Variants in TMPRSS11A observed in about 807,000 individuals in gnomAD.
TMPRSS11A encodes the protein transmembrane serine protease 11A.
Under a neutral mutation model 58.9 loss-of-function variants are expected in TMPRSS11A, and 53 were observed. That is an observed-to-expected ratio of 0.90 (90% CI 0.72 to 1.13). TMPRSS11A has a LOEUF of 1.13. TMPRSS11A is among the 50% of genes most tolerant of loss of function. TMPRSS11A has a pLI of 0.00. For synonymous variants in TMPRSS11A, 167 were observed against 169.8 expected, an observed-to-expected ratio of 0.98 and a Z score of 0.13; for missense variants, 493 against 499.3, an observed-to-expected ratio of 0.99 and a Z score of 0.12.
At chr4:67,928,213 A>T (rs540249086) in intron 5 of TMPRSS11A, among the ~76,000 whole-genome samples, 38 of 152,030 alleles carry the variant, frequency 2.5e-4, no homozygotes, top group Non-Finnish European at 5.1e-4. Flanking sequence ...CCTGACTAAT[A>T]TTTTGTATTT....
At chr4:67,936,306 C>T (rs1356128495) in intron 3 of TMPRSS11A, among the ~76,000 whole-genome samples, 1 of 149,002 alleles carries the variant, frequency 6.7e-6, no homozygotes, top group Non-Finnish European at 1.5e-5. Flanking sequence ...CTTTTAAGTT[C>T]GTATCATATC....
In TMPRSS11A at chr4:67,910,755, A is replaced by T. The variant is rs1197810361; in HGVS notation, c.*587T>A. The T allele has an allele frequency of 3.3e-5, 5 of 151,916 alleles. 1 individual carries two copies. The highest frequency in any genetic ancestry group is 7.4e-5 in the Non-Finnish European group (5 of 67,880). The allele number at this position is 151,916 out of a possible 1,614,324, so 9.4% of individuals were successfully genotyped here. A position where few individuals can be genotyped will look rare whatever the true frequency, so the allele number is the denominator to read the frequency against. On this transcript the variant is annotated 3_prime_UTR_variant, in exon 10 of 10. Coordinates refer to ENST00000508048, the MANE Select transcript of TMPRSS11A (RefSeq NM_001114387.2). ...ACCAAAAATTAGAGGTTTTATAACTAAAAAAAGTTAGAAGATCTCTGGCTT... is the reference window on the plus strand; with the variant it reads ...ACCAAAAATTAGAGGTTTTATAACTTAAAAAAGTTAGAAGATCTCTGGCTT...
intron 8 of TMPRSS11A, among the ~76,000 whole-genome samples, chr4:67,914,979 C>A (rs1720109167): frequency 6.6e-6 from 1 of 152,094 alleles, no homozygotes; most frequent in South Asian, 2.1e-4. Context: ...CCTGGAAAAT[C>A]TAACCTTAAA....
chr4:67,939,714 AT>A (rs199733910), intron 3 of TMPRSS11A, among the ~76,000 whole-genome samples: 1,656 of 151,894 alleles, frequency 0.011, 28 homozygotes, highest in African/African-American at 0.038. Context: ...TTTGAGATGG[AT>A]TTTTGCTCTG....
rs1466888450 is a variant in TMPRSS11A at position 67,911,067 on chromosome 4, G to C, written c.*275C>G. On this transcript the variant is annotated 3_prime_UTR_variant, in exon 10 of 10. Coordinates refer to ENST00000508048, the MANE Select transcript of TMPRSS11A (RefSeq NM_001114387.2). ...GACTATCTTCAAAAATATGTATTGA[G>C]TCTCACTGGTACTTCAACATTCGTG... 3.6e-6 allele frequency: 1 copy of C among 274,328 alleles called. No homozygotes were observed. The highest frequency in any genetic ancestry group is 2.2e-5 in the African/African-American group (1 of 46,118). 17.0% of individuals were successfully genotyped at this position (274,328 alleles called of 1,614,324 possible).
At chr4:67,947,341 A>C (rs1244668219) in intron 1 of TMPRSS11A, among the ~76,000 whole-genome samples, 1 of 152,168 alleles carries the variant, frequency 6.6e-6, no homozygotes, top group African/African-American at 2.4e-5. Context: ...CATGCAGTGC[A>C]CTTGTTTGTT....
At chr4:67,936,186 C>T (rs1401175325) in intron 3 of TMPRSS11A, among the ~76,000 whole-genome samples, 1 of 152,148 alleles carries the variant, frequency 6.6e-6, no homozygotes. Context: ...TGATGGGCAG[C>T]AAGCAGTTTG....
intron 8 of TMPRSS11A, among the ~76,000 whole-genome samples, chr4:67,918,239 C>A (rs757149303): frequency 1.3e-5 from 2 of 152,148 alleles, no homozygotes; most frequent in Admixed American, 6.5e-5. Context: ...TGTACCTGGA[C>A]CACATGGTAG....
At chr4:67,936,025 C>T (rs1720744237) in intron 3 of TMPRSS11A, among the ~76,000 whole-genome samples, 1 of 152,088 alleles carries the variant, frequency 6.6e-6, no homozygotes, top group Non-Finnish European at 1.5e-5. Flanking sequence ...TGATTATTCA[C>T]GTTTCATAGA....
chr4:67,937,938 A>G (rs1035498377), intron 3 of TMPRSS11A, among the ~76,000 whole-genome samples: 2 of 152,170 alleles, frequency 1.3e-5, no homozygotes, highest in Admixed American at 6.5e-5. Context: ...GAGGATTGCT[A>G]GGTTGAATAG....
chr4:67,930,323 G>A (rs1237622483), intron 4 of TMPRSS11A, among the ~76,000 whole-genome samples: 3 of 152,174 alleles, frequency 2.0e-5, no homozygotes, highest in East Asian at 3.8e-4. Context: ...AGAGTTAGAA[G>A]AAGCCTTCAT....
In TMPRSS11A at chr4:67,920,550, T is replaced by TATATATATATATATATATA. The variant is rs374550125; in HGVS notation, c.693-1319_693-1318insTATATATATATATATATAT. Reference sequence around the variant, plus strand: ...AATTATATATATATATATATATATATTTTTTTTTATATATACACACACACA... The same window carrying TATATATATATATATATATA: ...AATTATATATATATATATATATATATATATATATATATATATATATTTTTTTTATATATACACACACACA... On this transcript the variant is annotated intron_variant, in intron 7 of 9. Coordinates refer to ENST00000508048, the MANE Select transcript of TMPRSS11A (RefSeq NM_001114387.2). Among the ~76,000 whole-genome samples, 37 of 58,528 alleles carry TATATATATATATATATATA rather than the reference T, an allele frequency of 6.3e-4. No individual in the cohort carries two copies. In the East Asian group the frequency reaches 7.8e-3, roughly 12 times the overall value. The allele number at this position is 58,528 out of a possible 152,430, so 38.4% of individuals were successfully genotyped here. A position where few individuals can be genotyped will look rare whatever the true frequency, so the allele number is the denominator to read the frequency against.
At chr4:67,958,033 G>C (rs1721329332) in intron 1 of TMPRSS11A, among the ~76,000 whole-genome samples, 1 of 152,162 alleles carries the variant, frequency 6.6e-6, no homozygotes, top group Non-Finnish European at 1.5e-5. Context: ...GTCAAGAATT[G>C]AGGTTTGGCA....
intron 5 of TMPRSS11A, 94 bp from the exon 6 acceptor site, chr4:67,924,260 G>T: frequency 9.9e-7 from 1 of 1,011,482 alleles, no homozygotes. Flanking sequence ...ACCATATATG[G>T]ATTCTAGACA....
intron 1 of TMPRSS11A, among the ~76,000 whole-genome samples, chr4:67,963,057 A>G (rs1721476053): frequency 6.6e-6 from 1 of 152,218 alleles, no homozygotes; most frequent in South Asian, 2.1e-4. Flanking sequence ...TTTAAAACAT[A>G]TAAACACCCT....
chr4:67,941,832 TAAAGA>T (rs1367145109), intron 3 of TMPRSS11A, among the ~76,000 whole-genome samples: 6 of 152,172 alleles, frequency 3.9e-5, no homozygotes, highest in Non-Finnish European at 5.9e-5. Flanking sequence ...AAGGACTTCT[TAAAGA>T]AAAGCTTCAA....
At position 67,946,446 on chromosome 4, in the gene TMPRSS11A, C is replaced by A; in HGVS notation, c.133+4G>T. The A allele has an allele frequency of 6.3e-7, 1 of 1,580,886 alleles. No homozygotes were observed. Among genetic ancestry groups the A allele is most frequent in the South Asian group, 1.2e-5 (1 of 84,446 alleles). ...AATAGAGTGAAATCTTTAATTTTACCTACCAAATACTAGGAAGTGAACCAG... is the reference window on the plus strand; with the variant it reads ...AATAGAGTGAAATCTTTAATTTTACATACCAAATACTAGGAAGTGAACCAG... On this transcript the variant is annotated splice_donor_region_variant and intron_variant, in intron 2 of 9. Transcript: ENST00000508048.
chr4:67,957,127 T>C (rs1721309506), intron 1 of TMPRSS11A, among the ~76,000 whole-genome samples: 1 of 152,200 alleles, frequency 6.6e-6, no homozygotes, highest in African/African-American at 2.4e-5. Flanking sequence ...CTCTTTCTTT[T>C]GTAAATTGCC....
At position 67,948,147 on chromosome 4, in the gene TMPRSS11A, C is replaced by CTTTTTT. The variant is rs10577639; in HGVS notation, c.12-1582_12-1577dup. On this transcript the variant is annotated intron_variant, in intron 1 of 9. Coordinates refer to ENST00000508048, the MANE Select transcript of TMPRSS11A (RefSeq NM_001114387.2). ...CTTTTGACTATAAAACAGTTTTTTT[C>CTTTTTT]TTTTTTTTTTTTTTTTTTTTTGAGA... is the stretch of plus-strand genomic sequence containing the variant. Among the ~76,000 whole-genome samples, 3 of 98,298 alleles carry CTTTTTT rather than the reference C, an allele frequency of 3.1e-5. 1 individual carries two copies. The highest frequency in any genetic ancestry group is 1.2e-4 in the African/African-American group (3 of 24,538). 64.5% of individuals were successfully genotyped at this position (98,298 alleles called of 152,430 possible).
Sources: allele counts gnomAD v4.1 joint callset (sites outside exome capture counted in the v4.1 genomes callset), GRCh38; gene constraint gnomAD v4.1.1; transcripts MANE v1.5; gene names NCBI Gene and HGNC (gene_info 2026-07-23, HGNC 2026-07-21).